The following C1orf50 variants were observed in gnomAD, a reference collection of about 807,000 sequenced individuals.
C1orf50 encodes uncharacterized protein C1orf50.
C1orf50 carries 22 observed loss-of-function variants against 23.3 expected under a neutral mutation model. That is an observed-to-expected ratio of 0.94 (90% confidence interval 0.67 to 1.35). The LOEUF is 1.35. Among genes scored for constraint, C1orf50 ranks in the 40% most tolerant of loss-of-function variants. C1orf50 has a pLI of 0.00. For synonymous variants in C1orf50, 96 were observed against 102.4 expected, an observed-to-expected ratio of 0.94 and a Z score of 0.38; for missense variants, 271 against 249.4, an observed-to-expected ratio of 1.09 and a Z score of -0.58.
At chr1:42,768,003 TC>T (rs1557582781) in intron 2 of C1orf50, among the ~76,000 whole-genome samples, 1 of 152,218 alleles carries the variant, frequency 6.6e-6, no homozygotes, top group African/African-American at 2.4e-5. Flanking sequence ...TTAAGCTGCT[TC>T]CCATAAGATC....
chr1:42,777,106 CTT>C lies in C1orf50; in HGVS notation c.*1720_*1721del. 6.6e-6 allele frequency: 1 copy of C among 151,620 alleles called. No individual in the cohort carries two copies. The highest frequency in any genetic ancestry group is 1.5e-5 in the Non-Finnish European group (1 of 67,822). The allele number at this position is 151,620 out of a possible 1,614,324, so 9.4% of individuals were successfully genotyped here. A position where few individuals can be genotyped will look rare whatever the true frequency, so the allele number is the denominator to read the frequency against. On this transcript the variant is annotated 3_prime_UTR_variant, in exon 5 of 5. Coordinates refer to ENST00000372525, the MANE Select transcript of C1orf50 (RefSeq NM_024097.4). ...TAGCAGAATTTCTTTTCTTTCCTTTCTTTTTTTTTGAGACAGAGTCTCGCTGT... is the reference window on the plus strand; with the variant it reads ...TAGCAGAATTTCTTTTCTTTCCTTTCTTTTTTTGAGACAGAGTCTCGCTGT...
In C1orf50 at chr1:42,772,639, G is replaced by T. The variant is rs1441972605; in HGVS notation, c.196-924G>T. 1.3e-5 allele frequency among the ~76,000 whole-genome samples: 2 copies of T among 152,102 alleles called. 1 individual carries two copies. The highest frequency in any genetic ancestry group is 2.9e-5 in the Non-Finnish European group (2 of 68,038). ...CTACTAAAAATACAAAAATTAGCTGGGCATGGTGGCGGGCACCTGTAATCC... is the reference window on the plus strand; with the variant it reads ...CTACTAAAAATACAAAAATTAGCTGTGCATGGTGGCGGGCACCTGTAATCC... On this transcript the variant is annotated intron_variant, in intron 2 of 4. Transcript: ENST00000372525.
At chr1:42,773,719 T>C (rs956437647) in intron 3 of C1orf50, 70 bp downstream of exon 3, 2 of 1,065,232 alleles carry the variant, frequency 1.9e-6, no homozygotes, top group Admixed American at 3.9e-5. Flanking sequence ...AACTTGTTTA[T>C]AATCGTTGTG....
chr1:42,769,013 C>T (rs1034113657), intron 2 of C1orf50, among the ~76,000 whole-genome samples: 7 of 152,150 alleles, frequency 4.6e-5, no homozygotes, highest in South Asian at 4.1e-4. Flanking sequence ...CTTGTAATCC[C>T]AGCACTTTGG....
intron 2 of C1orf50, among the ~76,000 whole-genome samples, chr1:42,768,576 T>A (rs1339583764): frequency 1.3e-5 from 2 of 151,714 alleles, no homozygotes; most frequent in Non-Finnish European, 1.5e-5. Flanking sequence ...TTTTTTAAAA[T>A]TAAGAAAAAT....
chr1:42,771,805 C>A (rs535326540), intron 2 of C1orf50, among the ~76,000 whole-genome samples: 2 of 152,104 alleles, frequency 1.3e-5, no homozygotes, highest in South Asian at 4.2e-4. Context: ...TGGCAAAACC[C>A]CATCTCTACT....
rs1226839778 is a variant in C1orf50 at position 42,776,074 on chromosome 1, C to G, written c.*680C>G. The G allele has an allele frequency of 6.6e-6, 1 of 152,086 alleles. No individual in the cohort carries two copies. Among genetic ancestry groups the G allele is most frequent in the Non-Finnish European group, 1.5e-5 (1 of 68,022 alleles). 9.4% of individuals were successfully genotyped at this position (152,086 alleles called of 1,614,324 possible). A position where few individuals can be genotyped will look rare whatever the true frequency, so the allele number is the denominator to read the frequency against. On this transcript the variant is annotated 3_prime_UTR_variant, in exon 5 of 5. Coordinates refer to ENST00000372525, the MANE Select transcript of C1orf50 (RefSeq NM_024097.4). ...TGGGGAGAGTCAACTTTGAAACTCACAAATTTTAGACTTGGAAGAGACATT... is the reference window on the plus strand; with the variant it reads ...TGGGGAGAGTCAACTTTGAAACTCAGAAATTTTAGACTTGGAAGAGACATT...
chr1:42,772,922 C>T (rs965766449), intron 2 of C1orf50, among the ~76,000 whole-genome samples: 5 of 152,108 alleles, frequency 3.3e-5, no homozygotes, highest in African/African-American at 1.2e-4. Context: ...TAGAAATGCA[C>T]ATATAAGTTA....
rs764336349 is a variant in C1orf50, at chr1:42,767,528, C to G, written c.99C>G (p.Thr33=). 3 of 1,587,206 alleles carry G rather than the reference C, an allele frequency of 1.9e-6. No individual in the cohort carries two copies. Among genetic ancestry groups the G allele is most frequent in the Non-Finnish European group, 2.6e-6 (3 of 1,167,412 alleles). The change falls in exon 2 of 5, where the codon ACC becomes ACG. Residue 33 remains threonine, a synonymous_variant. Transcript: ENST00000372525. Reference sequence around the variant, plus strand: ...TCGCAGGAGCCCTGGTGGAGCTCACCCCGACCCCCGGCGGCCTGGCCCTGG... The same window carrying G: ...TCGCAGGAGCCCTGGTGGAGCTCACGCCGACCCCCGGCGGCCTGGCCCTGG... ...AGQGGALVEL[T]PTPGGLALVS...
intron 1 of C1orf50, 32 bp downstream of exon 1, chr1:42,767,422 C>T (rs1178933321): frequency 6.4e-6 from 10 of 1,554,176 alleles, no homozygotes; most frequent in Non-Finnish European, 8.7e-6. Flanking sequence ...AGGGGGAAGT[C>T]AGCTCCCGCG....
In C1orf50 at chr1:42,774,765, A is replaced by C. The variant is rs553727446; in HGVS notation, c.311A>C (p.Asn104Thr). The C allele has an allele frequency of 3.7e-6, 6 of 1,613,480 alleles. No homozygotes were observed. Among genetic ancestry groups the C allele is most frequent in the African/African-American group, 1.3e-5 (1 of 75,036 alleles). Residue 104 changes from asparagine (N) to threonine (T), a missense_variant, in exon 4 of 5, where the codon AAC becomes ACC. Physicochemically the swap from Asn to Thr is moderately conservative, Grantham distance 65 (BLOSUM62 0). Transcript: ENST00000372525. ...KVLEDAHRDA[N>T]LHHVACNIVK... ...CTGGAAGATGCTCACAGAGATGCCA[A>C]CCTGCACCATGTAGCTTGTAATATA...
intron 2 of C1orf50, among the ~76,000 whole-genome samples, chr1:42,771,351 T>A (rs1374145748): frequency 1.3e-5 from 2 of 152,188 alleles, no homozygotes; most frequent in East Asian, 3.8e-4. Context: ...TTAATTTGAA[T>A]TTAAAAAACC....
In C1orf50 at chr1:42,773,487, C is replaced by T. The variant is rs1411631168; in HGVS notation, c.196-76C>T. 3 of 903,548 alleles carry T rather than the reference C, an allele frequency of 3.3e-6. No homozygotes were observed. In the East Asian group the frequency reaches 8.1e-5, roughly 24 times the overall value. 56.0% of individuals were successfully genotyped at this position (903,548 alleles called of 1,614,324 possible). A position where few individuals can be genotyped will look rare whatever the true frequency, so the allele number is the denominator to read the frequency against. ...AGGCAGAAGCAAAATATTAACATAA[C>T]CCTGGGATCAAGATAAGAACATCAT... is the stretch of plus-strand genomic sequence containing the variant. On this transcript the variant is annotated intron_variant, in intron 2 of 4. Coordinates refer to ENST00000372525, the MANE Select transcript of C1orf50 (RefSeq NM_024097.4).
chr1:42,773,556 C>T lies in C1orf50; in HGVS notation c.196-7C>T, dbSNP rs188985082. On this transcript the variant is annotated splice_polypyrimidine_tract_variant and splice_region_variant and intron_variant, in intron 2 of 4. Transcript: ENST00000372525. ...CAACCCACAGTTTAGTTTTTTCTCA[C>T]CTGTAGGCTGATGAATTCATCCGAG... 88 of 1,589,710 alleles carry T rather than the reference C, an allele frequency of 5.5e-5. No individual in the cohort carries two copies. The African/African-American group carries it at 1.1e-3, about 19-fold the overall frequency.
rs961161121 is a variant in C1orf50 at position 42,777,480 on chromosome 1, C to T, written c.*2086C>T. 1 of 152,226 alleles carries T rather than the reference C, an allele frequency of 6.6e-6. No homozygotes were observed. Among genetic ancestry groups the T allele is most frequent in the African/African-American group, 2.4e-5 (1 of 41,440 alleles). 9.4% of individuals were successfully genotyped at this position (152,226 alleles called of 1,614,324 possible). ...AGGTTGCCCTCACTTCCTTGCCACACGAGCCTCTATAACATGGCAGCTTTC... is the reference window on the plus strand; with the variant it reads ...AGGTTGCCCTCACTTCCTTGCCACATGAGCCTCTATAACATGGCAGCTTTC... On this transcript the variant is annotated 3_prime_UTR_variant, in exon 5 of 5. Transcript: ENST00000372525.
chr1:42,773,714 G>C, intron 3 of C1orf50, 65 bp downstream of exon 3: 1 of 1,093,960 alleles, frequency 9.1e-7, no homozygotes, highest in East Asian at 2.5e-5. Flanking sequence ...GGCTGAACTT[G>C]TTTATAATCG....
intron 2 of C1orf50, among the ~76,000 whole-genome samples, chr1:42,771,905 G>C (rs771678182): frequency 6.6e-6 from 1 of 151,816 alleles, no homozygotes; most frequent in Non-Finnish European, 1.5e-5. Context: ...TTGAACCCGG[G>C]AGGCGGAGGT....
intron 2 of C1orf50, among the ~76,000 whole-genome samples, chr1:42,772,945 T>A (rs757675457): frequency 2.0e-5 from 3 of 152,186 alleles, no homozygotes; most frequent in Non-Finnish European, 2.9e-5. Flanking sequence ...ATTTAAGTAG[T>A]TGTGATGTAA....
At chr1:42,768,106 T>C (rs1196371781) in intron 2 of C1orf50, among the ~76,000 whole-genome samples, 4 of 152,200 alleles carry the variant, frequency 2.6e-5, no homozygotes, top group African/African-American at 2.4e-5. Flanking sequence ...CCAGTGTTTA[T>C]ATATGGATGG....
Sources: gnomAD v4.1 joint callset for allele counts (sites outside exome capture counted in the v4.1 genomes callset) on GRCh38, gnomAD v4.1.1 for gene constraint, MANE v1.5 for transcripts, NCBI Gene and HGNC (gene_info 2026-07-23, HGNC 2026-07-21) for gene names.